The following EPHB1 variants were observed in gnomAD, a reference collection of about 807,000 sequenced individuals.
EPHB1 encodes the protein ephrin type-B receptor 1.
EPHB1 carries 30 observed loss-of-function variants against 94.4 expected under a neutral mutation model. The ratio of observed to expected loss-of-function variants is 0.32; its 90% confidence interval spans 0.24 to 0.43. The LOEUF is 0.43. Ranked by LOEUF, EPHB1 falls within the 20% of genes least tolerant of loss-of-function variation. EPHB1 has a pLI of 1.00. For synonymous variants in EPHB1, 522 were observed against 489.1 expected, an observed-to-expected ratio of 1.07 and a Z score of -0.89; for missense variants, 1,055 against 1,308.3, an observed-to-expected ratio of 0.81 and a Z score of 2.99.
chr3:135,056,223 G>C (rs1937343016), intron 3 of EPHB1, among the ~76,000 whole-genome samples: 1 of 152,234 alleles, frequency 6.6e-6, no homozygotes, highest in African/African-American at 2.4e-5. Flanking sequence ...GGCTACCACT[G>C]TGCATGAAGA....
intron 1 of EPHB1, among the ~76,000 whole-genome samples, chr3:134,845,550 G>T (rs1299113886): frequency 6.6e-6 from 1 of 152,130 alleles, no homozygotes; most frequent in Non-Finnish European, 1.5e-5. Flanking sequence ...TTTGGCAGAG[G>T]GATCTGCTGT....
At chr3:135,056,620 A>G (rs1441916784) in intron 3 of EPHB1, among the ~76,000 whole-genome samples, 1 of 152,284 alleles carries the variant, frequency 6.6e-6, no homozygotes, top group Non-Finnish European at 1.5e-5. Flanking sequence ...AGATAGCAAC[A>G]TCAAATCCAG....
intron 3 of EPHB1, among the ~76,000 whole-genome samples, chr3:135,027,316 G>T (rs1306950077): frequency 2.8e-4 from 42 of 149,454 alleles, no homozygotes; most frequent in African/African-American, 9.3e-4. Flanking sequence ...AATGCTTCCA[G>T]TTTTTGCCCA....
intron 1 of EPHB1, among the ~76,000 whole-genome samples, chr3:134,867,014 A>G (rs1306356305): frequency 6.6e-6 from 1 of 152,172 alleles, no homozygotes; most frequent in African/African-American, 2.4e-5. Context: ...CCATCGTGTC[A>G]CTAGATACCT....
At chr3:134,934,395 A>T (rs1414025694) in intron 2 of EPHB1, among the ~76,000 whole-genome samples, 1 of 152,096 alleles carries the variant, frequency 6.6e-6, no homozygotes, top group Non-Finnish European at 1.5e-5. Context: ...TGGCCACGAG[A>T]TTCAGATGCT....
chr3:135,232,221 G>A (rs1028098354), intron 12 of EPHB1, among the ~76,000 whole-genome samples: 2 of 152,232 alleles, frequency 1.3e-5, no homozygotes, highest in African/African-American at 4.8e-5. Flanking sequence ...AAATGGGTCA[G>A]TGTACTTTCA....
intron 3 of EPHB1, among the ~76,000 whole-genome samples, chr3:135,090,638 T>G (rs1344191606): frequency 6.6e-6 from 1 of 152,222 alleles, no homozygotes; most frequent in Non-Finnish European, 1.5e-5. Flanking sequence ...TCCATGACCT[T>G]GGACAGGCCA....
intron 12 of EPHB1, among the ~76,000 whole-genome samples, chr3:135,210,791 C>G (rs927793887): frequency 1.3e-5 from 2 of 152,208 alleles, no homozygotes; most frequent in Admixed American, 6.5e-5. Flanking sequence ...GTGTGCCAGA[C>G]TCCCTGCTCA....
At chr3:135,085,503 G>A (rs1044172700) in intron 3 of EPHB1, among the ~76,000 whole-genome samples, 1 of 152,220 alleles carries the variant, frequency 6.6e-6, no homozygotes, top group African/African-American at 2.4e-5. Flanking sequence ...TGGAGCCCAG[G>A]TTTACTGCTC....
intron 8 of EPHB1, 127 bp downstream of exon 8, chr3:135,166,203 C>T (rs1941647937): frequency 3.0e-6 from 2 of 665,360 alleles, no homozygotes; most frequent in Admixed American, 5.1e-5. Context: ...CCATCTCAAT[C>T]CAAGAGCAGC....
At chr3:134,983,650 C>T (rs1934493994) in intron 3 of EPHB1, among the ~76,000 whole-genome samples, 1 of 152,190 alleles carries the variant, frequency 6.6e-6, no homozygotes. Flanking sequence ...CACCATGCTG[C>T]CTGTGCAAAG....
At chr3:134,914,927 G>T (rs962998621) in intron 1 of EPHB1, among the ~76,000 whole-genome samples, 1 of 152,122 alleles carries the variant, frequency 6.6e-6, no homozygotes, top group South Asian at 2.1e-4. Flanking sequence ...GCTCCTGCTG[G>T]TGAAGGGGCC....
intron 1 of EPHB1, among the ~76,000 whole-genome samples, chr3:134,840,199 G>A (rs187079324): frequency 6.6e-5 from 10 of 152,220 alleles, no homozygotes; most frequent in African/African-American, 2.4e-4. Context: ...TCCCCATAGT[G>A]CCTGGCCCAG....
At chr3:134,916,297 G>A (rs1289748191) in intron 1 of EPHB1, among the ~76,000 whole-genome samples, 3 of 152,266 alleles carry the variant, frequency 2.0e-5, no homozygotes, top group Non-Finnish European at 4.4e-5. Flanking sequence ...GCTTCACCCA[G>A]TGGATCCCAC....
intron 3 of EPHB1, among the ~76,000 whole-genome samples, chr3:135,077,727 G>A (rs1014225223): frequency 5.9e-5 from 9 of 152,166 alleles, no homozygotes; most frequent in Non-Finnish European, 1.0e-4. Flanking sequence ...GACTAGAGCC[G>A]ACCCATGAAG....
chr3:134,874,982 A>G (rs2037587147), intron 1 of EPHB1, among the ~76,000 whole-genome samples: 1 of 152,082 alleles, frequency 6.6e-6, no homozygotes, highest in Non-Finnish European at 1.5e-5. Flanking sequence ...TCACTTTGTT[A>G]CCTTTTCCCA....
intron 4 of EPHB1, among the ~76,000 whole-genome samples, chr3:135,125,600 GTGT>G (rs1940164903): frequency 6.6e-6 from 1 of 152,158 alleles, no homozygotes; most frequent in Non-Finnish European, 1.5e-5. Flanking sequence ...TAAAGGTTTG[GTGT>G]TGTTTTCTTT....
Position 135,198,792 on chromosome 3 carries a change from T to G in EPHB1, c.2131-2682T>G, listed in dbSNP as rs182309866. On this transcript the variant is annotated intron_variant, in intron 11 of 15. Coordinates refer to ENST00000398015, the MANE Select transcript of EPHB1 (RefSeq NM_004441.5). ...GGCCTTTCATATGTGTTATCTCATT[T>G]AGTCTCACCAGAACCCTATGAAGAA... Among the ~76,000 whole-genome samples, 55 of 152,308 alleles carry G rather than the reference T, an allele frequency of 3.6e-4. No individual in the cohort carries two copies. The East Asian group carries it at 0.01, about 28-fold the overall frequency.
intron 1 of EPHB1, among the ~76,000 whole-genome samples, chr3:134,899,056 C>G (rs1035972235): frequency 8.5e-5 from 13 of 152,082 alleles, no homozygotes; most frequent in Admixed American, 3.9e-4. Context: ...AGGAAAACAT[C>G]CCTACTTATC....
Sources: gnomAD v4.1 joint callset for allele counts (sites outside exome capture counted in the v4.1 genomes callset) on GRCh38, gnomAD v4.1.1 for gene constraint, MANE v1.5 for transcripts, NCBI Gene and HGNC (gene_info 2026-07-23, HGNC 2026-07-21) for gene names.